CAMSAP1: variants seen among roughly 807,000 people sequenced by gnomAD.
CAMSAP1 encodes the protein calmodulin-regulated spectrin-associated protein 1.
Under a neutral mutation model 143.5 loss-of-function variants are expected in CAMSAP1, and 58 were observed. That is an observed-to-expected ratio of 0.40 (90% CI 0.33 to 0.50). CAMSAP1 has a LOEUF of 0.50. Ranked by LOEUF, CAMSAP1 falls within the 20% of genes least tolerant of loss-of-function variation. The pLI is 0.45. For missense variants in CAMSAP1, 1,969 were observed against 2,115.7 expected, an observed-to-expected ratio of 0.93 and a Z score of 1.36; for synonymous variants, 945 against 859.3, an observed-to-expected ratio of 1.10 and a Z score of -1.74.
intron 1 of CAMSAP1, among the ~76,000 whole-genome samples, chr9:135,889,306 C>T (rs73561611): frequency 0.042 from 6,337 of 152,124 alleles, 441 homozygotes; most frequent in African/African-American, 0.14. Context: ...ACAGGACCCA[C>T]GGCCTCCAAA....
Position 135,836,497 on chromosome 9 carries a change from C to T in CAMSAP1, c.1046-8913G>A. The T allele has an allele frequency of 3.1e-6, 3 of 982,492 alleles. No individual in the cohort carries two copies. In the African/African-American group the frequency reaches 5.4e-5, roughly 18 times the overall value. 60.9% of individuals were successfully genotyped at this position (982,492 alleles called of 1,614,324 possible). ...CTTTCTACCCTGTTCTACAGACACA[C>T]ATCACCACGCACTTTCCACCCATTC... On this transcript the variant is annotated intron_variant, in intron 7 of 16. Coordinates refer to ENST00000389532, the MANE Select transcript of CAMSAP1 (RefSeq NM_015447.4).
chr9:135,862,632 GT>G, intron 4 of CAMSAP1, 24 bp from the exon 5 acceptor site: 1 of 1,550,888 alleles, frequency 6.4e-7, no homozygotes, highest in Non-Finnish European at 8.7e-7. Flanking sequence ...AAGGAAAACG[GT>G]CTCTGCATGT....
intron 4 of CAMSAP1, 112 bp downstream of exon 4, chr9:135,866,344 C>A (rs1427158500): frequency 7.7e-6 from 5 of 652,940 alleles, no homozygotes; most frequent in Non-Finnish European, 8.3e-6. Context: ...CTAGCTGCTT[C>A]TTTGGTGAGT....
chr9:135,879,514 T>C (rs748800667), intron 3 of CAMSAP1, among the ~76,000 whole-genome samples: 66 of 152,278 alleles, frequency 4.3e-4, no homozygotes, highest in Non-Finnish European at 7.8e-4. Context: ...TAAGTTTTTC[T>C]ATGTCTTTAC....
Position 135,820,920 on chromosome 9 carries a change from A to G in CAMSAP1, c.3741T>C (p.Asp1247=), listed in dbSNP as rs756756995. Residue 1247 remains aspartate, a synonymous_variant, in exon 11 of 17, where the codon GAT becomes GAC. Coordinates refer to ENST00000389532, the MANE Select transcript of CAMSAP1 (RefSeq NM_015447.4). This position sits in a 1 kb window ranked among gnomAD's most constrained non-coding sequence, Gnocchi z 4.4. ...DLSDLKAPDE[D]GELVSLDGSA... ...AGCCATCGAGGCTTACCAGCTCCCCATCCTCGTCGGGGGCCTTCAGGTCGG... is the reference window on the plus strand; with the variant it reads ...AGCCATCGAGGCTTACCAGCTCCCCGTCCTCGTCGGGGGCCTTCAGGTCGG... 6 of 1,613,614 alleles carry G rather than the reference A, an allele frequency of 3.7e-6. No individual in the cohort carries two copies. The highest frequency in any genetic ancestry group is 1.6e-4 in the Middle Eastern group (1 of 6,084).
rs2131042684 is a variant in CAMSAP1 at position 135,906,525 on chromosome 9, A to G, written c.160+475T>C. 2.0e-5 allele frequency among the ~76,000 whole-genome samples: 3 copies of G among 152,370 alleles called. No individual in the cohort carries two copies. The South Asian group carries it at 6.2e-4, about 32-fold the overall frequency. On this transcript the variant is annotated intron_variant, in intron 1 of 16. Transcript: ENST00000389532. ...ATTAAGCACAATGCGCGGAATACGC[A>G]ATTTCTAGTTGGGGAATTCAACAGC... is the stretch of plus-strand genomic sequence containing the variant.
chr9:135,818,493 G>A lies in CAMSAP1; in HGVS notation c.4083C>T (p.Pro1361=), dbSNP rs1283130494. 3 of 1,610,320 alleles carry A rather than the reference G, an allele frequency of 1.9e-6. No homozygotes were observed. The highest frequency in any genetic ancestry group is 4.5e-5 in the East Asian group (2 of 44,870). ...GCCGCGGCTTCTTCGGCTTTGACTTGGGCTTGCCGAGCCCCTGCTCCTCTA... is the reference window on the plus strand; with the variant it reads ...GCCGCGGCTTCTTCGGCTTTGACTTAGGCTTGCCGAGCCCCTGCTCCTCTA... The part of the protein sequence containing the change: ...QILEEQGLGK[P]KSKPKKPRPK... Residue 1361 remains proline, a synonymous_variant, in exon 13 of 17, where the codon CCC becomes CCT. Transcript: ENST00000389532. The surrounding 1 kb of genome is among the most constrained non-coding windows in gnomAD (Gnocchi z 7.7).
chr9:135,846,567 G>C (rs561641227), intron 7 of CAMSAP1, among the ~76,000 whole-genome samples: 1 of 147,088 alleles, frequency 6.8e-6, no homozygotes, highest in South Asian at 2.1e-4. Context: ...CACAGCAAAA[G>C]AAACTATCAT....
chr9:135,886,942 G>A (rs1325320583), intron 1 of CAMSAP1, among the ~76,000 whole-genome samples: 1 of 152,246 alleles, frequency 6.6e-6, no homozygotes, highest in Non-Finnish European at 1.5e-5. Flanking sequence ...CAGGAAACCA[G>A]TAGTGTGGAG....
At chr9:135,840,041 C>A (rs1025796162) in intron 7 of CAMSAP1, among the ~76,000 whole-genome samples, 3 of 152,196 alleles carry the variant, frequency 2.0e-5, no homozygotes, top group African/African-American at 7.2e-5. Flanking sequence ...ATGGCACCGT[C>A]CTGGAGAAGA....
At chr9:135,898,343 A>T (rs1367743608) in intron 1 of CAMSAP1, among the ~76,000 whole-genome samples, 2 of 152,180 alleles carry the variant, frequency 1.3e-5, no homozygotes, top group African/African-American at 4.8e-5. Flanking sequence ...ATGCATGTTA[A>T]TATACAACTG....
chr9:135,839,070 A>C (rs1273729551), intron 7 of CAMSAP1, among the ~76,000 whole-genome samples: 1 of 151,946 alleles, frequency 6.6e-6, no homozygotes, highest in African/African-American at 2.4e-5. Context: ...CACACTTTCT[A>C]CCCGTTCTGC....
chr9:135,828,699 C>T (rs758593934), intron 7 of CAMSAP1, among the ~76,000 whole-genome samples: 26 of 152,210 alleles, frequency 1.7e-4, no homozygotes, highest in Admixed American at 3.3e-4. Context: ...TCCCTGCTGG[C>T]CCCACGCTTA....
chr9:135,842,206 C>T (rs1181606003), intron 7 of CAMSAP1, among the ~76,000 whole-genome samples: 1 of 152,086 alleles, frequency 6.6e-6, no homozygotes. Context: ...GAAATATACA[C>T]AAGTATCAGT....
At position 135,881,662 on chromosome 9, in the gene CAMSAP1, C is replaced by T. The variant is rs1349589354; in HGVS notation, c.556G>A (p.Glu186Lys). ...TTGATCCAGAACACCATGGCATCCTCGAGGTCGTACGGAAGTTCTTTCGAG... is the reference window on the plus strand; with the variant it reads ...TTGATCCAGAACACCATGGCATCCTTGAGGTCGTACGGAAGTTCTTTCGAG... ...SASKELPYDL[E>K]DAMVFWINKV... The change falls in exon 3 of 17, where the codon GAG becomes AAG. Residue 186 changes from glutamate to lysine, a missense_variant. Glu to Lys is a moderately conservative substitution (Grantham distance 56). Transcript: ENST00000389532. The T allele has an allele frequency of 1.9e-6, 3 of 1,551,582 alleles. No homozygotes were observed. Among genetic ancestry groups the T allele is most frequent in the African/African-American group, 2.7e-5 (2 of 73,006 alleles).
At position 135,862,460 on chromosome 9, in the gene CAMSAP1, C is replaced by T. The variant is rs758683030; in HGVS notation, c.808+7G>A. On this transcript the variant is annotated splice_region_variant and intron_variant, in intron 5 of 16. Coordinates refer to ENST00000389532, the MANE Select transcript of CAMSAP1 (RefSeq NM_015447.4). ...GGATCTGTTTCAGGGAAGCATTCTC[C>T]ACTCACCATCCAGTTTCATCTGCTC... 1.9e-6 allele frequency: 3 copies of T among 1,551,012 alleles called. No individual in the cohort carries two copies. Among genetic ancestry groups the T allele is most frequent in the South Asian group, 1.2e-5 (1 of 84,032 alleles).
chr9:135,835,396 T>C (rs1835990341), intron 7 of CAMSAP1, among the ~76,000 whole-genome samples: 1 of 151,806 alleles, frequency 6.6e-6, no homozygotes, highest in African/African-American at 2.4e-5. Flanking sequence ...GAAGACAGAG[T>C]TCCAAAGTGA....
chr9:135,904,964 CAAA>C (rs1299738351), intron 1 of CAMSAP1, among the ~76,000 whole-genome samples: 4 of 107,836 alleles, frequency 3.7e-5, no homozygotes, highest in African/African-American at 3.4e-5. Flanking sequence ...GACTCCGTCT[CAAA>C]AAAAAAAAAA....
At chr9:135,888,729 G>A (rs1027423613) in intron 1 of CAMSAP1, among the ~76,000 whole-genome samples, 7 of 152,200 alleles carry the variant, frequency 4.6e-5, no homozygotes, top group African/African-American at 1.4e-4. Flanking sequence ...AGGAGTCAAC[G>A]GAAATAATTC....
Sources: gnomAD v4.1 joint callset for allele counts (sites outside exome capture counted in the v4.1 genomes callset) on GRCh38, gnomAD v4.1.1 for gene constraint, Gnocchi (gnomAD v3.1) non-coding constraint, MANE v1.5 for transcripts, NCBI Gene and HGNC (gene_info 2026-07-23, HGNC 2026-07-21) for gene names.